Variants in ZNF106 observed in about 807,000 individuals in gnomAD.
The protein encoded by ZNF106 is SH3-domain binding protein 3.
In ZNF106, 67 loss-of-function variants were observed where a neutral mutation model predicts 195.1. The ratio of observed to expected loss-of-function variants is 0.34; its 90% CI spans 0.28 to 0.42. The LOEUF (loss-of-function observed/expected upper bound fraction) is 0.42. Among genes scored for constraint, ZNF106 ranks in the 10% least tolerant of loss-of-function variants. The probability of loss-of-function intolerance (pLI) is 1.00; values close to 1 mark genes in which losing one functional copy is unlikely to be tolerated. For missense variants in ZNF106, 2,118 were observed against 2,304.5 expected (o/e 0.92, Z 1.66); for synonymous variants, 784 against 818.6 (o/e 0.96, Z 0.72).
chr15:42,442,022 GC>G (rs1567009922), intron 10 of ZNF106, 50 bp downstream of exon 10: 2 of 1,405,476 alleles, frequency 1.4e-6, no homozygotes, highest in Non-Finnish European at 1.9e-6. Flanking sequence ...ATATAAAAAT[GC>G]CCCAGTCTCA....
intron 18 of ZNF106, 24 bp from the exon 19 acceptor site, chr15:42,422,012 A>T: frequency 3.2e-6 from 5 of 1,562,198 alleles, no homozygotes; most frequent in Non-Finnish European, 4.3e-6. Context: ...AAAAAAAGAG[A>T]ATTGAAGTTA....
chr15:42,470,750 AGCCTTTCC>A (rs2056647557), intron 2 of ZNF106, among the ~76,000 whole-genome samples: 1 of 152,190 alleles, frequency 6.6e-6, no homozygotes, highest in South Asian at 2.1e-4. Context: ...TCTGAACAGC[AGCCTTTCC>A]ATCTCACATC....
chr15:42,461,815 A>T (rs1423491646), intron 3 of ZNF106, among the ~76,000 whole-genome samples: 2 of 152,226 alleles, frequency 1.3e-5, no homozygotes. Context: ...AAATAATCAC[A>T]AACTCAGGAT....
intron 10 of ZNF106, among the ~76,000 whole-genome samples, chr15:42,441,048 T>TGC (rs1239402471): frequency 1.3e-4 from 13 of 97,276 alleles, no homozygotes; most frequent in Admixed American, 2.5e-4. Flanking sequence ...TATATATATA[T>TGC]GCTAAGTCAC....
intron 1 of ZNF106, chr15:42,490,413 T>A (rs533125991): frequency 6.6e-6 from 1 of 152,118 alleles, no homozygotes; most frequent in African/African-American, 2.4e-5. Flanking sequence ...TCAAAGATGA[T>A]TACACAACAA....
intron 17 of ZNF106, among the ~76,000 whole-genome samples, chr15:42,422,907 T>G (rs1479075495): frequency 1.3e-5 from 2 of 152,180 alleles, no homozygotes; most frequent in Non-Finnish European, 2.9e-5. Flanking sequence ...TCTGTATTTA[T>G]AGCTTTCCAA....
At chr15:42,466,387 T>C (rs950598146) in intron 2 of ZNF106, among the ~76,000 whole-genome samples, 1 of 152,172 alleles carries the variant, frequency 6.6e-6, no homozygotes, top group Non-Finnish European at 1.5e-5. Flanking sequence ...AGCAAAACAC[T>C]TAAGAGTAAA....
chr15:42,441,001 ATATATATATATATAT>A lies in ZNF106; in HGVS notation c.3763+1057_3763+1071del, dbSNP rs2055505505. Among the ~76,000 whole-genome samples the A allele has an allele frequency of 2.9e-3, 48 of 16,346 alleles. 7 individuals carry two copies. Among genetic ancestry groups the A allele is most frequent in the African/African-American group, 7.3e-3 (42 of 5,746 alleles). 10.7% of individuals were successfully genotyped at this position (16,346 alleles called of 152,430 possible). On this transcript the variant is annotated intron_variant, in intron 10 of 21. Transcript: ENST00000564754. ...CTCTGTCTAAAAAAAAAAAAAAAAT[ATATATATATATATAT>A]ATATATATATATATATATATATATA...
chr15:42,478,151 T>C (rs567168141), intron 1 of ZNF106, among the ~76,000 whole-genome samples: 2 of 151,878 alleles, frequency 1.3e-5, no homozygotes, highest in South Asian at 4.2e-4. Flanking sequence ...AACAAACCAA[T>C]ATTGATACAT....
At chr15:42,445,291 G>C (rs2055729025) in intron 7 of ZNF106, among the ~76,000 whole-genome samples, 1 of 152,048 alleles carries the variant, frequency 6.6e-6, no homozygotes. Context: ...CCTGTTCTAG[G>C]ACTCGTTTCC....
At chr15:42,428,182 A>G (rs1270758183) in intron 14 of ZNF106, 48 bp from the exon 15 acceptor site, 1 of 1,510,756 alleles carries the variant, frequency 6.6e-7, no homozygotes, top group East Asian at 2.3e-5. Context: ...CTGGCAAATG[A>G]GATGTCAAAA....
chr15:42,463,686 G>A (rs2056447526), intron 3 of ZNF106, among the ~76,000 whole-genome samples: 1 of 152,200 alleles, frequency 6.6e-6, no homozygotes, highest in African/African-American at 2.4e-5. Context: ...TGTAGTCCCA[G>A]CTACACAGTA....
chr15:42,471,965 A>T (rs967933307), intron 2 of ZNF106, among the ~76,000 whole-genome samples: 2 of 152,240 alleles, frequency 1.3e-5, no homozygotes, highest in Non-Finnish European at 2.9e-5. Flanking sequence ...ATAACTGGTT[A>T]CTAAATTTCT....
At position 42,456,947 on chromosome 15, in the gene ZNF106, C is replaced by T. The variant is rs373181972; in HGVS notation, c.317+11G>A. On this transcript the variant is annotated intron_variant, in intron 4 of 21. Coordinates refer to ENST00000564754, the MANE Select transcript of ZNF106 (RefSeq NM_001366845.3). Reference sequence around the variant, plus strand: ...TATAGATAGGCTTTTTTTAAAAAATCAATTACTTACCGACTTTGTTCTTTC... The same window carrying T: ...TATAGATAGGCTTTTTTTAAAAAATTAATTACTTACCGACTTTGTTCTTTC... 51 of 1,606,628 alleles carry T rather than the reference C, an allele frequency of 3.2e-5. No homozygotes were observed. Among genetic ancestry groups the T allele is most frequent in the Non-Finnish European group, 4.1e-5 (48 of 1,176,788 alleles).
intron 12 of ZNF106, among the ~76,000 whole-genome samples, chr15:42,438,163 G>A (rs1018717343): frequency 1.3e-5 from 2 of 152,230 alleles, no homozygotes; most frequent in African/African-American, 4.8e-5. Flanking sequence ...AAGGCAGGAG[G>A]ATCACTTGAG....
chr15:42,436,686 G>C lies in ZNF106; in HGVS notation c.4746+546C>G, dbSNP rs1341991163. Among the ~76,000 whole-genome samples the C allele has an allele frequency of 3.3e-5, 5 of 152,180 alleles. No homozygotes were observed. In the East Asian group the frequency reaches 9.6e-4, roughly 29 times the overall value. ...TAATAAGCATCAGATAATACTAAGTGTGAGGCAGTGGAAAAGTGTTGCTCT... is the reference window on the plus strand; with the variant it reads ...TAATAAGCATCAGATAATACTAAGTCTGAGGCAGTGGAAAAGTGTTGCTCT... On this transcript the variant is annotated intron_variant, in intron 13 of 21. Transcript: ENST00000564754.
rs1471623761 is a variant in ZNF106, at chr15:42,438,616, A to G, written c.4596T>C (p.Ser1532=). Residue 1532 remains serine, a synonymous_variant, in exon 12 of 22, where the codon TCT becomes TCC. Transcript: ENST00000564754. ...VISSIKGSKN[S]SEISSEPGDD... ...ATAAAACTGAACAGCAAATACCTGA[A>G]GAATTCTTTGATCCTTTTATGGAGG... The G allele has an allele frequency of 6.2e-7, 1 of 1,613,358 alleles. No individual in the cohort carries two copies. The highest frequency in any genetic ancestry group is 2.2e-5 in the East Asian group (1 of 44,852).
chr15:42,448,301 A>G lies in ZNF106; in HGVS notation c.2906T>C (p.Ile969Thr). 1.2e-6 allele frequency: 2 copies of G among 1,614,200 alleles called. No homozygotes were observed. Among genetic ancestry groups the G allele is most frequent in the South Asian group, 2.2e-5 (2 of 91,086 alleles). ...HSAQLSSDHI[I>T]PLMHLAKDLN... ...GTCTTTTGCCAAATGCATCAAAGGT[A>G]TTATATGGTCAGAGGATAATTGTGC... The change falls in exon 6 of 22, where the codon ATA (isoleucine) becomes ACA (threonine). Residue 969 changes from isoleucine (I) to threonine (T), a missense_variant. By Grantham distance (89) the Ile-to-Thr change is moderately conservative. Transcript: ENST00000564754.
rs1301135432 is a variant in ZNF106 at position 42,451,414 on chromosome 15, C to G, written c.858G>C (p.Trp286Cys). 4 of 1,614,046 alleles carry G rather than the reference C, an allele frequency of 2.5e-6. No homozygotes were observed. The African/African-American group carries it at 5.3e-5, about 22-fold the overall frequency. Reference sequence around the variant, plus strand: ...TGTTTGACTTATTAGATTTCTTGTTCCATAGCATAGTCATGTCTTCCATTT... The same window carrying G: ...TGTTTGACTTATTAGATTTCTTGTTGCATAGCATAGTCATGTCTTCCATTT... ...NCQMEDMTML[W>C]NKKSNKSNKY... The change falls in exon 5 of 22, where the codon TGG becomes TGC. Residue 286 changes from tryptophan to cysteine, a missense_variant. Coordinates refer to ENST00000564754, the MANE Select transcript of ZNF106 (RefSeq NM_001366845.3).
Sources: gnomAD v4.1 joint callset for allele counts (sites outside exome capture counted in the v4.1 genomes callset) on GRCh38, gnomAD v4.1.1 for gene constraint, MANE v1.5 for transcripts, NCBI Gene and HGNC (gene_info 2026-07-23, HGNC 2026-07-21) for gene names.